The following PKHD1L1 variants were observed in gnomAD, a reference collection of about 807,000 sequenced individuals.
The protein encoded by PKHD1L1 is PKHD1 like 1, also known as fibrocystin-L.
Under a neutral mutation model 462.9 loss-of-function variants are expected in PKHD1L1, and 434 were observed. The ratio of observed to expected loss-of-function variants is 0.94; its 90% confidence interval spans 0.87 to 1.02. PKHD1L1 has a LOEUF of 1.02. PKHD1L1 is among the 50% of genes least tolerant of loss of function. The probability of loss-of-function intolerance (pLI) is 0.00; values close to 1 mark genes in which losing one functional copy is unlikely to be tolerated. For synonymous variants in PKHD1L1, 1,781 were observed against 1,750.0 expected, an observed-to-expected ratio of 1.02 and a Z score of -0.44; for missense variants, 5,202 against 5,096.1, an observed-to-expected ratio of 1.02 and a Z score of -0.63.
chr8:109,398,767 T>A (rs546471865), intron 12 of PKHD1L1, among the ~76,000 whole-genome samples: 1 of 152,244 alleles, frequency 6.6e-6, no homozygotes, highest in Non-Finnish European at 1.5e-5. Flanking sequence ...GCCTAAATTA[T>A]CAAGACACCC....
rs16879693 is a variant in PKHD1L1, at chr8:109,515,200, C to T, written c.11584C>T (p.Leu3862Phe). ...TCTAGTAGGAATTTTCTTTTCCACACTTCAACGTTTGGATGTCTATGTGAA... is the reference window on the plus strand; with the variant it reads ...TCTAGTAGGAATTTTCTTTTCCACATTTCAACGTTTGGATGTCTATGTGAA... Reference protein sequence around the residue: ...AVLVGIFFSTLQRLDVYVNNL... With the variant: ...AVLVGIFFSTFQRLDVYVNNL... Residue 3862 changes from leucine to phenylalanine, a missense_variant, in exon 72 of 78, where the codon CTT (leucine) becomes TTT (phenylalanine). Coordinates refer to ENST00000378402, the MANE Select transcript of PKHD1L1 (RefSeq NM_177531.6). The T allele has an allele frequency of 0.013, 21,077 of 1,599,830 alleles. 325 individuals carry two copies. Among genetic ancestry groups the T allele is most frequent in the African/African-American group, 0.073 (5,428 of 74,408 alleles).
intron 12 of PKHD1L1, 102 bp downstream of exon 12, chr8:109,398,650 A>G: frequency 2.1e-6 from 1 of 471,296 alleles, no homozygotes; most frequent in Non-Finnish European, 3.4e-6. Flanking sequence ...ATTTGTAGTA[A>G]GAATTGTAAG....
At chr8:109,479,420 G>T in intron 53 of PKHD1L1, 131 bp from the exon 54 acceptor site, 1 of 616,766 alleles carries the variant, frequency 1.6e-6, no homozygotes, top group Admixed American at 3.0e-5. Flanking sequence ...TCTTTAAAAG[G>T]ACAAAGCGTG....
chr8:109,364,424 A>G, intron 1 of PKHD1L1, 123 bp from the exon 2 acceptor site: 1 of 735,654 alleles, frequency 1.4e-6, no homozygotes, highest in South Asian at 1.7e-5. Flanking sequence ...GGTGAATTTT[A>G]CTTTCAATCC....
In PKHD1L1 at chr8:109,412,278, G is replaced by A; in HGVS notation, c.2099G>A (p.Arg700Lys). ...ETDFNLEHIN[R>K]GQKTAETDAY... ...TTGTTTCGGTAGGAACATATTAACA[G>A]AGGGCAGAAGACAGCTGAAACCGAT... The change falls in exon 20 of 78, where the codon AGA becomes AAA. Residue 700 changes from arginine (R) to lysine (K), a missense_variant. Arg to Lys is a conservative substitution (Grantham distance 26, BLOSUM62 2). This residue lies in a region of PKHD1L1 where 4,497 missense variants were observed against 4,336.8 expected (regional missense o/e 1.04). Coordinates refer to ENST00000378402, the MANE Select transcript of PKHD1L1 (RefSeq NM_177531.6). The A allele has an allele frequency of 6.2e-7, 1 of 1,613,400 alleles. No homozygotes were observed.
rs150107413 is a variant in PKHD1L1, at chr8:109,517,366, T to G, written c.11690-801T>G. On this transcript the variant is annotated intron_variant, in intron 72 of 77. Coordinates refer to ENST00000378402, the MANE Select transcript of PKHD1L1 (RefSeq NM_177531.6). ...GTGAAATTCCTTCTTCTTCCTAAAATTTTAATTTCTTTTTCCTAGTAAGCC... is the reference window on the plus strand; with the variant it reads ...GTGAAATTCCTTCTTCTTCCTAAAAGTTTAATTTCTTTTTCCTAGTAAGCC... Among the ~76,000 whole-genome samples the G allele has an allele frequency of 6.5e-3, 995 of 152,274 alleles. 14 individuals carry two copies. Among genetic ancestry groups the G allele is most frequent in the African/African-American group, 0.023 (957 of 41,564 alleles).
chr8:109,419,029 C>T (rs1814323884), intron 21 of PKHD1L1, 68 bp from the exon 22 acceptor site: 2 of 1,323,268 alleles, frequency 1.5e-6, no homozygotes, highest in South Asian at 1.8e-5. Context: ...AATTTTAATG[C>T]TTTCTAAAGT....
At chr8:109,417,705 C>T (rs1302850439) in intron 21 of PKHD1L1, among the ~76,000 whole-genome samples, 1 of 151,938 alleles carries the variant, frequency 6.6e-6, no homozygotes, top group Non-Finnish European at 1.5e-5. Context: ...GCGTGCCACC[C>T]CGCCCAGCTA....
At chr8:109,492,145 A>G (rs915927108) in intron 62 of PKHD1L1, among the ~76,000 whole-genome samples, 151 bp downstream of exon 62, 6 of 151,122 alleles carry the variant, frequency 4.0e-5, no homozygotes, top group African/African-American at 1.2e-4. Context: ...TTTTCTGTCA[A>G]TGTCTATTGG....
rs1371214094 is a variant in PKHD1L1 at position 109,512,425 on chromosome 8, T to G, written c.11553+1491T>G. On this transcript the variant is annotated intron_variant, in intron 71 of 77. Transcript: ENST00000378402. ...AGCTTTCTACATATGGCTAGCCAGT[T>G]TTCCCAGCACCATTTATTAAATAGG... 7.9e-5 allele frequency among the ~76,000 whole-genome samples: 12 copies of G among 152,178 alleles called. No individual in the cohort carries two copies. The East Asian group carries it at 1.7e-3, about 22-fold the overall frequency.
intron 32 of PKHD1L1, among the ~76,000 whole-genome samples, chr8:109,439,356 G>A (rs1230873093): frequency 6.6e-6 from 1 of 152,108 alleles, no homozygotes; most frequent in Admixed American, 6.6e-5. Flanking sequence ...ATTCACTCAG[G>A]AAATGCATAT....
chr8:109,368,107 T>C (rs1811320510), intron 2 of PKHD1L1, among the ~76,000 whole-genome samples: 1 of 152,252 alleles, frequency 6.6e-6, no homozygotes, highest in South Asian at 2.1e-4. Flanking sequence ...CTTTGTTACT[T>C]TATAGTCATA....
intron 68 of PKHD1L1, among the ~76,000 whole-genome samples, chr8:109,507,175 A>G (rs1371961828): frequency 6.6e-6 from 1 of 152,134 alleles, no homozygotes; most frequent in Non-Finnish European, 1.5e-5. Context: ...ATAGGGATTG[A>G]GCTTTTAATA....
At chr8:109,383,628 A>G (rs1344762985) in intron 4 of PKHD1L1, among the ~76,000 whole-genome samples, 1 of 151,072 alleles carries the variant, frequency 6.6e-6, no homozygotes, top group Non-Finnish European at 1.5e-5. Flanking sequence ...TATGATTCCA[A>G]AATATATTGC....
At chr8:109,489,441 C>T (rs940774895) in intron 59 of PKHD1L1, among the ~76,000 whole-genome samples, 1 of 151,832 alleles carries the variant, frequency 6.6e-6, no homozygotes, top group Non-Finnish European at 1.5e-5. Context: ...CCTTTGTCAC[C>T]TCGATGGTAC....
chr8:109,410,156 C>A (rs1027431697), intron 19 of PKHD1L1, among the ~76,000 whole-genome samples, 178 bp downstream of exon 19: 4 of 152,020 alleles, frequency 2.6e-5, no homozygotes, highest in Admixed American at 2.6e-4. Flanking sequence ...ATTGGTACTG[C>A]CGTCTATGAT....
Position 109,533,804 on chromosome 8 carries a change from G to A in PKHD1L1, c.*3714G>A, listed in dbSNP as rs1471535681. Among the ~76,000 whole-genome samples, 1 of 152,066 alleles carries A rather than the reference G, an allele frequency of 6.6e-6. No individual in the cohort carries two copies. Among genetic ancestry groups the A allele is most frequent in the Non-Finnish European group, 1.5e-5 (1 of 68,006 alleles). On this transcript the variant is annotated 3_prime_UTR_variant, in exon 78 of 78. Coordinates refer to ENST00000378402, the MANE Select transcript of PKHD1L1 (RefSeq NM_177531.6). ...ATCTTGACAAAAAAAAAATTCCAGT[G>A]GATTGAATTAAAACTTTAGGTAAGA... is the stretch of plus-strand genomic sequence containing the variant.
rs1218189357 is a variant in PKHD1L1 at position 109,420,676 on chromosome 8, G to A, written c.2683G>A (p.Val895Met). The A allele has an allele frequency of 2.5e-6, 4 of 1,573,212 alleles. No individual in the cohort carries two copies. The highest frequency in any genetic ancestry group is 2.8e-5 in the African/African-American group (2 of 72,540). ...NCSYNIPMMA[V>M]SFGQIITHET... is the part of the protein sequence containing the mutation. ...CAGTTACAATATACCCATGATGGCTGTGAGCTTTGGGCAGGTAAGCCTAGA... is the reference window on the plus strand; with the variant it reads ...CAGTTACAATATACCCATGATGGCTATGAGCTTTGGGCAGGTAAGCCTAGA... Residue 895 changes from valine to methionine, a missense_variant, in exon 23 of 78, where the codon GTG (valine) becomes ATG (methionine). Around this residue, in one of 3 missense-constraint regions of PKHD1L1, gnomAD observed 4,497 missense variants for 4,336.8 expected, o/e 1.04. Transcript: ENST00000378402.
At position 109,401,514 on chromosome 8, in the gene PKHD1L1, T is replaced by C; in HGVS notation, c.1299T>C (p.His433=). Residue 433 remains histidine (H), a synonymous_variant, in exon 14 of 78, where the codon CAT becomes CAC. Coordinates refer to ENST00000378402, the MANE Select transcript of PKHD1L1 (RefSeq NM_177531.6). ...LPEDKVRIAY[H]SANANSYFSS... ...CGGATTAGGTGAGGATTGCATATCA[T>C]TCTGCTAATGCCAACAGTTATTTTT... 6.3e-7 allele frequency: 1 copy of C among 1,584,094 alleles called. No homozygotes were observed. Among genetic ancestry groups the C allele is most frequent in the Non-Finnish European group, 8.7e-7 (1 of 1,154,490 alleles).
Sources: gnomAD v4.1 joint callset for allele counts (sites outside exome capture counted in the v4.1 genomes callset) on GRCh38, gnomAD v4.1.1 for gene constraint, gnomAD v4.1.1 regional missense constraint, MANE v1.5 for transcripts, NCBI Gene and HGNC (gene_info 2026-07-23, HGNC 2026-07-21) for gene names.